The following KNTC1 variants were observed in gnomAD, a reference collection of about 807,000 sequenced individuals.
The protein encoded by KNTC1 is kinetochore-associated protein 1.
Under a neutral mutation model 314.4 loss-of-function variants are expected in KNTC1, and 253 were observed. That is an observed-to-expected ratio of 0.80 (90% CI 0.73 to 0.89). The LOEUF is 0.89. Ranked by LOEUF, KNTC1 falls within the 40% of genes least tolerant of loss-of-function variation. The pLI, the probability that KNTC1 is intolerant of heterozygous loss-of-function variation, is 0.00. For synonymous variants in KNTC1, 901 were observed against 901.4 expected (o/e 1.00, Z 0.01); for missense variants, 2,475 against 2,572.9 (o/e 0.96, Z 0.82).
chr12:122,602,903 A>G lies in KNTC1; in HGVS notation c.4884+16A>G, dbSNP rs1872127626. ...ATTAATGAAGGTAATGGATTAAAAC[A>G]TTGTAAGACATTTCTGTATCCTGCA... On this transcript the variant is annotated intron_variant, in intron 47 of 63. Coordinates refer to ENST00000333479, the MANE Select transcript of KNTC1 (RefSeq NM_014708.6). The G allele has an allele frequency of 2.5e-6, 4 of 1,578,338 alleles. No individual in the cohort carries two copies. Among genetic ancestry groups the G allele is most frequent in the African/African-American group, 1.3e-5 (1 of 74,120 alleles).
At chr12:122,583,086 C>T (rs1226483563) in intron 34 of KNTC1, 101 bp downstream of exon 34, 8 of 1,080,200 alleles carry the variant, frequency 7.4e-6, no homozygotes, top group African/African-American at 4.8e-5. Flanking sequence ...CCGAGGCAGG[C>T]GGATCACAAG....
chr12:122,532,206 CTTTT>C (rs139344183), intron 2 of KNTC1, among the ~76,000 whole-genome samples: 6 of 99,536 alleles, frequency 6.0e-5, no homozygotes, highest in African/African-American at 7.4e-5. Flanking sequence ...GCTAATTTTT[CTTTT>C]TTTTTTTTTT....
chr12:122,560,923 G>T (rs959107169), intron 18 of KNTC1, among the ~76,000 whole-genome samples: 5 of 152,178 alleles, frequency 3.3e-5, no homozygotes, highest in Admixed American at 3.3e-4. Context: ...AAGCACAGTG[G>T]CTGTAATCCC....
At chr12:122,576,123 G>A (rs371322234) in intron 29 of KNTC1, among the ~76,000 whole-genome samples, 3 of 152,078 alleles carry the variant, frequency 2.0e-5, no homozygotes, top group African/African-American at 4.8e-5. Context: ...GCAATGGCGC[G>A]ATCTCGGCTC....
Position 122,588,930 on chromosome 12 carries a change from A to C in KNTC1, c.3999+114A>C, listed in dbSNP as rs576919570. 2.2e-3 allele frequency: 1,213 copies of C among 553,326 alleles called. 2 individuals are homozygous for C. Among genetic ancestry groups the C allele is most frequent in the South Asian group, 0.01 (236 of 22,716 alleles). 34.3% of individuals were successfully genotyped at this position (553,326 alleles called of 1,614,324 possible). A position where few individuals can be genotyped will look rare whatever the true frequency, so the allele number is the denominator to read the frequency against. On this transcript the variant is annotated intron_variant, in intron 40 of 63. Coordinates refer to ENST00000333479, the MANE Select transcript of KNTC1 (RefSeq NM_014708.6). ...CAGTACAGTAGTATTTTACTATTCA[A>C]AAACTTCAAGAAACTGTCTTATAGC...
At chr12:122,580,843 A>G (rs1351553568) in intron 33 of KNTC1, among the ~76,000 whole-genome samples, 173 bp downstream of exon 33, 1 of 152,104 alleles carries the variant, frequency 6.6e-6, no homozygotes, top group Non-Finnish European at 1.5e-5. Context: ...CCTGGCTAAC[A>G]CGGTGAAACC....
intron 44 of KNTC1, among the ~76,000 whole-genome samples, chr12:122,598,500 A>T (rs1396907851): frequency 2.1e-5 from 3 of 141,780 alleles, no homozygotes; most frequent in Admixed American, 7.6e-5. Flanking sequence ...GACTCACTAC[A>T]GCCTCTATGT....
In KNTC1 at chr12:122,618,548, A is replaced by G. The variant is rs376561469; in HGVS notation, c.6149+3A>G. 1 of 1,608,538 alleles carries G rather than the reference A, an allele frequency of 6.2e-7. No homozygotes were observed. Among genetic ancestry groups the G allele is most frequent in the Non-Finnish European group, 8.5e-7 (1 of 1,178,066 alleles). ...GAGAGTCTCATCGCTGTCCTCGAGT[A>G]AGCAAAATATTTGTTCTACCAAAAA... On this transcript the variant is annotated splice_donor_region_variant and intron_variant, in intron 59 of 63. Coordinates refer to ENST00000333479, the MANE Select transcript of KNTC1 (RefSeq NM_014708.6).
intron 16 of KNTC1, among the ~76,000 whole-genome samples, chr12:122,553,254 T>C (rs1223937361): frequency 6.6e-6 from 1 of 152,026 alleles, no homozygotes; most frequent in Non-Finnish European, 1.5e-5. Flanking sequence ...TTGACTTGCT[T>C]TACTCTGGCT....
chr12:122,543,102 G>A (rs564673846), intron 6 of KNTC1, among the ~76,000 whole-genome samples: 25 of 152,042 alleles, frequency 1.6e-4, no homozygotes, highest in South Asian at 1.5e-3. Context: ...TACTAGAGGC[G>A]GGGTTTCACC....
intron 51 of KNTC1, among the ~76,000 whole-genome samples, chr12:122,606,580 T>C (rs1379055139): frequency 6.6e-6 from 1 of 152,180 alleles, no homozygotes. Flanking sequence ...AGTTGATGAT[T>C]TCAGATGCTG....
chr12:122,611,353 A>T (rs902009600), intron 53 of KNTC1: 1 of 153,622 alleles, frequency 6.5e-6, no homozygotes, highest in African/African-American at 2.4e-5. Flanking sequence ...TCTTGCCTAT[A>T]GAAATGTCCT....
chr12:122,569,309 C>T (rs564870390), intron 21 of KNTC1, among the ~76,000 whole-genome samples: 1 of 152,268 alleles, frequency 6.6e-6, no homozygotes, highest in African/African-American at 2.4e-5. Context: ...TTGCTTGTCT[C>T]GATCCCTTTA....
chr12:122,620,659 C>T, intron 60 of KNTC1, 51 bp downstream of exon 60: 5 of 1,579,386 alleles, frequency 3.2e-6, no homozygotes, highest in Non-Finnish European at 4.3e-6. Flanking sequence ...AAGGTTTCAT[C>T]TTGCATGTCC....
intron 2 of KNTC1, among the ~76,000 whole-genome samples, chr12:122,531,087 A>T (rs966585497): frequency 1.3e-5 from 2 of 151,720 alleles, no homozygotes; most frequent in Non-Finnish European, 2.9e-5. Flanking sequence ...TTTCACTCAA[A>T]TGGAATCTGA....
At chr12:122,581,581 G>T (rs374023975) in intron 33 of KNTC1, among the ~76,000 whole-genome samples, 2 of 151,742 alleles carry the variant, frequency 1.3e-5, no homozygotes, top group African/African-American at 4.8e-5. Context: ...TGCAGATTCT[G>T]CCTCCCAGGT....
At chr12:122,589,642 T>C (rs1869876943) in intron 40 of KNTC1, among the ~76,000 whole-genome samples, 1 of 151,938 alleles carries the variant, frequency 6.6e-6, no homozygotes, top group African/African-American at 2.4e-5. Context: ...GGCCAATTTG[T>C]AAAAATTTTT....
In KNTC1 at chr12:122,581,857, G is replaced by A. The variant is rs1359275298; in HGVS notation, c.2983-848G>A. Among the ~76,000 whole-genome samples the A allele has an allele frequency of 2.6e-5, 4 of 152,128 alleles. No homozygotes were observed. The East Asian group carries it at 7.7e-4, about 29-fold the overall frequency. On this transcript the variant is annotated intron_variant, in intron 33 of 63. Transcript: ENST00000333479. ...TTCCATGTTAACAGTTATTTAGTTT[G>A]TAATTCAGTGGTGTTAATTACATTC... is the stretch of plus-strand genomic sequence containing the variant.
chr12:122,619,827 G>A (rs1874222348), intron 59 of KNTC1, among the ~76,000 whole-genome samples: 1 of 152,154 alleles, frequency 6.6e-6, no homozygotes, highest in Non-Finnish European at 1.5e-5. Flanking sequence ...TATGAGCATA[G>A]AGTACTTTTG....
Sources: allele counts gnomAD v4.1 joint callset (sites outside exome capture counted in the v4.1 genomes callset), GRCh38; gene constraint gnomAD v4.1.1; transcripts MANE v1.5; gene names NCBI Gene and HGNC (gene_info 2026-07-23, HGNC 2026-07-21).